HSD17B14: variants seen among roughly 807,000 people sequenced by gnomAD.
HSD17B14 encodes hydroxysteroid 17-beta dehydrogenase 14.
A neutral mutation model predicts 32.2 loss-of-function variants in HSD17B14; 32 were observed. The observed-to-expected ratio is 0.99, with a 90% CI of 0.75 to 1.33. The LOEUF is 1.33. Among genes scored for constraint, HSD17B14 ranks in the 40% most tolerant of loss-of-function variants. The probability of loss-of-function intolerance (pLI) is 0.00; values close to 1 mark genes in which losing one functional copy is unlikely to be tolerated. For synonymous variants in HSD17B14, 140 were observed against 155.4 expected, an observed-to-expected ratio of 0.90 and a Z score of 0.74; for missense variants, 370 against 366.5, an observed-to-expected ratio of 1.01 and a Z score of -0.08.
intron 5 of HSD17B14, among the ~76,000 whole-genome samples, chr19:48,821,188 A>T (rs1029915484): frequency 7.3e-5 from 11 of 151,636 alleles, no homozygotes; most frequent in Admixed American, 6.6e-4. Context: ...AATTTTTTGT[A>T]TTTTTTAGTA....
At chr19:48,826,111 T>C (rs942975669) in intron 5 of HSD17B14, among the ~76,000 whole-genome samples, 4 of 151,928 alleles carry the variant, frequency 2.6e-5, no homozygotes, top group South Asian at 2.1e-4. Context: ...TGAGCCACCG[T>C]GCCCAGCCCA....
Position 48,834,370 on chromosome 19 carries a change from G to C in HSD17B14, c.128-12C>G, listed in dbSNP as rs777944398. 6.2e-7 allele frequency: 1 copy of C among 1,604,770 alleles called. No individual in the cohort carries two copies. Among genetic ancestry groups the C allele is most frequent in the Admixed American group, 1.7e-5 (1 of 59,380 alleles). The stretch of plus-strand genomic sequence containing the variant: ...CCGGCCCCCAGACTCTGCAGGGAGA[G>C]AAGAGCTGGGAGCCTGGACCCCTGG... On this transcript the variant is annotated splice_polypyrimidine_tract_variant and intron_variant, in intron 2 of 8. Coordinates refer to ENST00000263278, the MANE Select transcript of HSD17B14 (RefSeq NM_016246.3).
intron 5 of HSD17B14, among the ~76,000 whole-genome samples, chr19:48,823,921 A>G (rs1226519147): frequency 6.7e-6 from 1 of 149,496 alleles, no homozygotes; most frequent in African/African-American, 2.4e-5. Context: ...GATTACAGGC[A>G]TGAGCCACTG....
chr19:48,832,754 T>C (rs750788483), intron 3 of HSD17B14, 22 bp from the exon 4 acceptor site: 2 of 1,583,352 alleles, frequency 1.3e-6, no homozygotes, highest in Non-Finnish European at 1.7e-6. Context: ...GGAAATGTCC[T>C]TTGTTTTTTT....
At chr19:48,824,704 T>G (rs1479206063) in intron 5 of HSD17B14, among the ~76,000 whole-genome samples, 3 of 151,202 alleles carry the variant, frequency 2.0e-5, no homozygotes, top group Non-Finnish European at 1.5e-5. Flanking sequence ...AGGCAGAGAT[T>G]GCAGTGAGCT....
In HSD17B14 at chr19:48,835,874, C is replaced by T. The variant is rs375058490; in HGVS notation, c.89-31G>A. 12 of 1,611,554 alleles carry T rather than the reference C, an allele frequency of 7.4e-6. No individual in the cohort carries two copies. In the African/African-American group the frequency reaches 1.2e-4, roughly 16 times the overall value. On this transcript the variant is annotated intron_variant, in intron 1 of 8. Transcript: ENST00000263278. ...AATAGGAAGGGAACAGGTTACTCTC[C>T]GAGCCTTGGTTAAAGCCTCTGCCGC... is the stretch of plus-strand genomic sequence containing the variant.
At chr19:48,833,602 G>A (rs977304577) in intron 3 of HSD17B14, among the ~76,000 whole-genome samples, 2 of 152,026 alleles carry the variant, frequency 1.3e-5, no homozygotes, top group African/African-American at 2.4e-5. Flanking sequence ...TGAGGCGGGC[G>A]GATCATCTGA....
At chr19:48,832,758 T>C (rs2035365910) in intron 3 of HSD17B14, 26 bp from the exon 4 acceptor site, 5 of 827,252 alleles carry the variant, frequency 6.0e-6, no homozygotes, top group Non-Finnish European at 8.6e-6. Flanking sequence ...ATGTCCTTTG[T>C]TTTTTTTTTT....
intron 5 of HSD17B14, among the ~76,000 whole-genome samples, chr19:48,825,181 T>C (rs1006663692): frequency 2.2e-5 from 3 of 138,168 alleles, no homozygotes; most frequent in African/African-American, 8.4e-5. Flanking sequence ...GAGGTTGCCA[T>C]GAGCTGAGAT....
At chr19:48,833,655 C>T (rs890752418) in intron 3 of HSD17B14, among the ~76,000 whole-genome samples, 3 of 151,922 alleles carry the variant, frequency 2.0e-5, no homozygotes, top group Non-Finnish European at 4.4e-5. Context: ...GGAGAAACAC[C>T]GTCTCTACTA....
At chr19:48,832,523 T>C (rs1303764007) in intron 4 of HSD17B14, 143 bp downstream of exon 4, 1 of 744,468 alleles carries the variant, frequency 1.3e-6, no homozygotes, top group East Asian at 2.7e-5. Context: ...GGGCTTCCAT[T>C]GCTTTACTCT....
At chr19:48,820,823 C>T (rs960430798) in intron 5 of HSD17B14, among the ~76,000 whole-genome samples, 1 of 150,566 alleles carries the variant, frequency 6.6e-6, no homozygotes, top group Non-Finnish European at 1.5e-5. Flanking sequence ...GGCAATATGG[C>T]GAGACCCCAT....
intron 4 of HSD17B14, 28 bp downstream of exon 4, chr19:48,832,638 A>G: frequency 6.2e-7 from 1 of 1,603,740 alleles, no homozygotes; most frequent in South Asian, 1.1e-5. Context: ...CAGGAGGTGG[A>G]GAATGGCCCT....
chr19:48,814,110 G>A lies in HSD17B14; in HGVS notation c.475-380C>T, dbSNP rs868366997. Among the ~76,000 whole-genome samples, 28 of 151,478 alleles carry A rather than the reference G, an allele frequency of 1.8e-4. No individual in the cohort carries two copies. In the South Asian group the frequency reaches 5.5e-3, roughly 30 times the overall value. ...CTGGGGAGGCTGAGGCGTGAGAATCGCTTGAACCCATGAGGCAGGGGTTGC... is the reference window on the plus strand; with the variant it reads ...CTGGGGAGGCTGAGGCGTGAGAATCACTTGAACCCATGAGGCAGGGGTTGC... On this transcript the variant is annotated intron_variant, in intron 6 of 8. Coordinates refer to ENST00000263278, the MANE Select transcript of HSD17B14 (RefSeq NM_016246.3).
chr19:48,813,194 G>T lies in HSD17B14; in HGVS notation c.794C>A (p.Ala265Asp), dbSNP rs775920784. The T allele has an allele frequency of 6.3e-7, 1 of 1,598,658 alleles. No homozygotes were observed. Among genetic ancestry groups the T allele is most frequent in the African/African-American group, 1.3e-5 (1 of 74,456 alleles). ...CKASRSTPVD[A>D]PDIPS The stretch of plus-strand genomic sequence containing the variant: ...GAGAAATCAGGAAGGGATATCGGGG[G>T]CGTCCACGGGGGTGCTCCGACTGGC... The change falls in exon 9 of 9, where the codon GCC (alanine) becomes GAC (aspartate). Residue 265 changes from alanine (A) to aspartate (D), a missense_variant. Coordinates refer to ENST00000263278, the MANE Select transcript of HSD17B14 (RefSeq NM_016246.3).
intron 5 of HSD17B14, among the ~76,000 whole-genome samples, chr19:48,823,954 T>A (rs1306744463): frequency 2.0e-5 from 3 of 149,972 alleles, no homozygotes; most frequent in Admixed American, 6.6e-5. Flanking sequence ...TTTTCTTTTT[T>A]AAAAATGTTT....
chr19:48,813,366 G>C lies in HSD17B14; in HGVS notation c.640-18C>G. On this transcript the variant is annotated intron_variant, in intron 8 of 8. Transcript: ENST00000263278. The stretch of plus-strand genomic sequence containing the variant: ...CCCAGTGGCTGGGGAGAAAAGAGGG[G>C]GGAAGGAGGTCAAGAGGAGCCCCAC... 2 of 1,562,524 alleles carry C rather than the reference G, an allele frequency of 1.3e-6. No homozygotes were observed. The highest frequency in any genetic ancestry group is 8.7e-7 in the Non-Finnish European group (1 of 1,152,634).
intron 6 of HSD17B14, 136 bp from the exon 7 acceptor site, chr19:48,813,866 A>G: frequency 1.1e-6 from 1 of 926,272 alleles, no homozygotes; most frequent in Non-Finnish European, 1.7e-6. Context: ...CAGAGGCACC[A>G]GGCTTGGTTT....
At chr19:48,813,993 G>C (rs960739554) in intron 6 of HSD17B14, among the ~76,000 whole-genome samples, 1 of 151,650 alleles carries the variant, frequency 6.6e-6, no homozygotes, top group South Asian at 2.1e-4. Context: ...CCAGGAGTTC[G>C]AGACCAGCCT....
Sources: gnomAD v4.1 joint callset for allele counts (sites outside exome capture counted in the v4.1 genomes callset) on GRCh38, gnomAD v4.1.1 for gene constraint, MANE v1.5 for transcripts, NCBI Gene and HGNC (gene_info 2026-07-23, HGNC 2026-07-21) for gene names.